The following SOD2 variants were observed in gnomAD, a reference collection of about 807,000 sequenced individuals.
The protein encoded by SOD2 is superoxide dismutase 2.
In SOD2, 11 loss-of-function variants were observed where a neutral mutation model predicts 27.0. That is an observed-to-expected ratio of 0.41 (90% CI 0.26 to 0.67). The LOEUF (loss-of-function observed/expected upper bound fraction) is 0.67, where lower values mean the gene tolerates loss of function less well. Ranked by LOEUF, SOD2 falls within the 30% of genes least tolerant of loss-of-function variation. The pLI is 0.34. For synonymous variants in SOD2, 105 were observed against 103.0 expected (o/e 1.02, Z -0.12); for missense variants, 250 against 274.5 (o/e 0.91, Z 0.63).
At chr6:159,694,800 C>T (rs1777388139), upstream of SOD2, among the ~76,000 whole-genome samples, 2 of 147,924 alleles carry the variant, frequency 1.4e-5, no homozygotes, top group South Asian at 4.3e-4. Flanking sequence ...GACGGGGTTT[C>T]ACTATGTTGG....
rs1161452297 is a variant in SOD2 at position 159,669,900 on chromosome 6, TTCAG to T, written c.*12589_*12592del. The T allele has an allele frequency of 2.6e-5, 4 of 152,212 alleles. No individual in the cohort carries two copies. Among genetic ancestry groups the T allele is most frequent in the African/African-American group, 4.8e-5 (2 of 41,456 alleles). 9.4% of individuals were successfully genotyped at this position (152,212 alleles called of 1,614,324 possible). A position where few individuals can be genotyped will look rare whatever the true frequency, so the allele number is the denominator to read the frequency against. On this transcript the variant is annotated 3_prime_UTR_variant, in exon 5 of 5. Transcript: ENST00000538183. Reference sequence around the variant, plus strand: ...AGTCATGATGGTGGTTTTTAATCCATTCAGTCAATCTATATCTTTTAAGTGGGAG... The same window carrying T: ...AGTCATGATGGTGGTTTTTAATCCATTCAATCTATATCTTTTAAGTGGGAG...
At chr6:159,743,626 T>A in intron 1 of SOD2, 4 of 1,553,926 alleles carry the variant, frequency 2.6e-6, no homozygotes, top group Non-Finnish European at 3.5e-6. Flanking sequence ...TAGAACTTGA[T>A]CTTAAAATTG....
At chr6:159,690,457 A>T (rs915355358) in intron 2 of SOD2, among the ~76,000 whole-genome samples, 37 of 151,964 alleles carry the variant, frequency 2.4e-4, no homozygotes, top group African/African-American at 6.3e-4. Flanking sequence ...TAAAAAAAAA[A>T]TTTTTAAAAG....
In SOD2 at chr6:159,688,579, C is replaced by G. The variant is rs5746111; in HGVS notation, c.227-337G>C. ...TAAAATGTATGGCTCAACATACAGA[C>G]TGTACAGAAAACCTTCAACTCTCAC... On this transcript the variant is annotated intron_variant, in intron 2 of 4. Coordinates refer to ENST00000538183, the MANE Select transcript of SOD2 (RefSeq NM_000636.4). Among the ~76,000 whole-genome samples the G allele has an allele frequency of 5.3e-5, 8 of 152,312 alleles. No homozygotes were observed. The East Asian group carries it at 1.2e-3, about 22-fold the overall frequency.
At chr6:159,701,703 T>C (rs935415628) in intron 1 of SOD2, among the ~76,000 whole-genome samples, 1 of 152,182 alleles carries the variant, frequency 6.6e-6, no homozygotes, top group Non-Finnish European at 1.5e-5. Flanking sequence ...CCATGAGTCA[T>C]TGTTACTGTT....
intron 1 of SOD2, among the ~76,000 whole-genome samples, chr6:159,721,827 T>C (rs987685983): frequency 6.6e-6 from 1 of 152,026 alleles, no homozygotes; most frequent in Non-Finnish European, 1.5e-5. Flanking sequence ...ACCCAGCCTG[T>C]AATTTCTTTT....
intron 1 of SOD2, chr6:159,713,851 G>T: frequency 1.8e-6 from 2 of 1,090,080 alleles, no homozygotes; most frequent in Non-Finnish European, 2.8e-6. Flanking sequence ...CTTCTCCGGT[G>T]TAGATGAAAC....
chr6:159,762,023 G>A lies in SOD2; in HGVS notation c.-1322C>T, dbSNP rs1234350168. ...GGTCCCGCCCGCGGCAGGCCTGTGG[G>A]CTGCGAGGAGGAGCTTTGCCTAGCT... On this transcript the variant is annotated 5_prime_UTR_variant, in exon 1 of 8. Coordinates refer to the SOD2 transcript ENST00000546087. The A allele has an allele frequency of 1.9e-6, 3 of 1,582,420 alleles. No homozygotes were observed. The African/African-American group carries it at 4.0e-5, about 21-fold the overall frequency.
At chr6:159,726,339 T>G (rs907167485) in intron 1 of SOD2, 3 of 155,148 alleles carry the variant, frequency 1.9e-5, no homozygotes, top group African/African-American at 7.2e-5. Context: ...TGAGAGCTCT[T>G]GTGATACGAG....
chr6:159,721,772 G>C (rs573517325), intron 1 of SOD2, among the ~76,000 whole-genome samples: 1 of 142,608 alleles, frequency 7.0e-6, no homozygotes, highest in Admixed American at 7.6e-5. Flanking sequence ...TGATCTGCTA[G>C]CCTCGGCCTC....
chr6:159,704,780 G>T (rs563528025), intron 1 of SOD2, among the ~76,000 whole-genome samples: 209 of 152,338 alleles, frequency 1.4e-3, no homozygotes, highest in African/African-American at 4.9e-3. Context: ...GAGAGCAGTG[G>T]TTCTCCCAGC....
chr6:159,698,220 C>G (rs1269854294), upstream of SOD2, among the ~76,000 whole-genome samples: 1 of 152,116 alleles, frequency 6.6e-6, no homozygotes, highest in African/African-American at 2.4e-5. Context: ...CTGCAGTGAG[C>G]TGAGATCTCG....
chr6:159,737,533 G>C (rs975343872), intron 1 of SOD2, among the ~76,000 whole-genome samples: 2 of 151,848 alleles, frequency 1.3e-5, no homozygotes, highest in East Asian at 3.9e-4. Context: ...TCACTCTGTT[G>C]CCCATGCTGG....
chr6:159,692,259 A>G (rs1248016119), intron 2 of SOD2: 7 of 529,502 alleles, frequency 1.3e-5, no homozygotes, highest in Non-Finnish European at 2.0e-5. Context: ...TGGCACACCT[A>G]CCTGAGAGAC....
In SOD2 at chr6:159,682,351, A is replaced by T; in HGVS notation, c.*142T>A. ...AAATGTTTAGTAAGAAATTATTCAG[A>T]ACATTAAGTTGTTTATGAAATAAGT... On this transcript the variant is annotated 3_prime_UTR_variant, in exon 5 of 5. Transcript: ENST00000538183. 1.7e-6 allele frequency: 1 copy of T among 580,598 alleles called. No individual in the cohort carries two copies. The highest frequency in any genetic ancestry group is 2.7e-6 in the Non-Finnish European group (1 of 369,108). The allele number at this position is 580,598 out of a possible 1,614,324, so 36.0% of individuals were successfully genotyped here. A position where few individuals can be genotyped will look rare whatever the true frequency, so the allele number is the denominator to read the frequency against.
At chr6:159,758,532 T>C (rs777615431) in intron 1 of SOD2, among the ~76,000 whole-genome samples, 1 of 152,226 alleles carries the variant, frequency 6.6e-6, no homozygotes, top group Non-Finnish European at 1.5e-5. Flanking sequence ...CTTTCATGAG[T>C]AGTTATGCCC....
At chr6:159,726,810 G>T in intron 1 of SOD2, 1 of 1,289,212 alleles carries the variant, frequency 7.8e-7, no homozygotes, top group South Asian at 1.2e-5. Flanking sequence ...CCTCACGACT[G>T]ATGAGAGGGA....
chr6:159,760,236 A>G (rs749572041), intron 1 of SOD2: 24 of 152,146 alleles, frequency 1.6e-4, no homozygotes, highest in Non-Finnish European at 3.2e-4. Context: ...AGGCTGGAAG[A>G]GTTTGGTTTC....
chr6:159,755,790 T>TTTTTTTTTTTTTTTTTTTTTTTTTTG (rs1779991801), intron 1 of SOD2: 3 of 848,086 alleles, frequency 3.5e-6, no homozygotes, highest in Non-Finnish European at 4.7e-6. Flanking sequence ...TTTTTTTTTT[T>TTTTTTTTTTTTTTTTTTTTTTTTTTG]GCTTCAATAC....
Sources: gnomAD v4.1 joint callset for allele counts (sites outside exome capture counted in the v4.1 genomes callset) on GRCh38, gnomAD v4.1.1 for gene constraint, MANE v1.5 for transcripts, NCBI Gene and HGNC (gene_info 2026-07-23, HGNC 2026-07-21) for gene names.